Variants in SPATS2L observed in about 807,000 individuals in gnomAD.
The protein encoded by SPATS2L is SPATS2-like protein.
SPATS2L carries 30 observed loss-of-function variants against 59.6 expected under a neutral mutation model. The observed-to-expected ratio is 0.50, with a 90% CI of 0.38 to 0.68. SPATS2L has a LOEUF of 0.68. Among genes scored for constraint, SPATS2L ranks in the 30% least tolerant of loss-of-function variants. The pLI is 0.00. For missense variants in SPATS2L, 615 were observed against 700.0 expected (o/e 0.88, Z 1.37); for synonymous variants, 252 against 263.5 (o/e 0.96, Z 0.42).
chr2:200,306,552 CTG>C (rs1362286195), upstream of SPATS2L: 43 of 1,001,798 alleles, frequency 4.3e-5, no homozygotes, highest in East Asian at 1.1e-4. Context: ...GTGAGCAGCG[CTG>C]TGTTTGCGAG....
chr2:200,307,468 G>C (rs914091351), intron 1 of SPATS2L, among the ~76,000 whole-genome samples: 3 of 152,042 alleles, frequency 2.0e-5, no homozygotes, highest in African/African-American at 7.2e-5. Context: ...CGCCCAGCGG[G>C]AGTGGGATGC....
intron 3 of SPATS2L, among the ~76,000 whole-genome samples, chr2:200,392,435 T>G (rs1275426439): frequency 6.6e-6 from 1 of 152,214 alleles, no homozygotes; most frequent in Non-Finnish European, 1.5e-5. Context: ...GTATCTCTTC[T>G]CTCTTGTGTT....
chr2:200,412,264 T>C (rs1232429253), intron 3 of SPATS2L, 47 bp from the exon 4 acceptor site: 1 of 1,181,942 alleles, frequency 8.5e-7, no homozygotes, highest in Middle Eastern at 2.3e-4. Flanking sequence ...ATGAAAAATA[T>C]TTAAAGTGTT....
chr2:200,473,965 C>A lies in SPATS2L; in HGVS notation c.1281+913C>A, dbSNP rs576230771. 1.5e-3 allele frequency among the ~76,000 whole-genome samples: 232 copies of A among 151,864 alleles called. 1 individual carries two copies. The highest frequency in any genetic ancestry group is 2.5e-3 in the South Asian group (12 of 4,800). On this transcript the variant is annotated intron_variant, in intron 12 of 12. Coordinates refer to ENST00000409140, the MANE Select transcript of SPATS2L (RefSeq NM_001100423.2). ...CAGTGAGCCAAGATCGCACCACTGCCCTTCAGCCTGGGCAACAGAGTGAGA... is the reference window on the plus strand; with the variant it reads ...CAGTGAGCCAAGATCGCACCACTGCACTTCAGCCTGGGCAACAGAGTGAGA...
chr2:200,327,683 A>G (rs1197741364), intron 1 of SPATS2L, among the ~76,000 whole-genome samples: 3 of 152,244 alleles, frequency 2.0e-5, no homozygotes, highest in Admixed American at 2.0e-4. Context: ...CAAAAGTGTG[A>G]AAAGCATATT....
At chr2:200,306,041 C>G, upstream of SPATS2L, 1 of 985,382 alleles carries the variant, frequency 1.0e-6, no homozygotes, top group African/African-American at 1.7e-5. Context: ...TTATTACACA[C>G]ACGTTTGGAG....
intron 1 of SPATS2L, among the ~76,000 whole-genome samples, chr2:200,315,217 T>A (rs1183681756): frequency 6.6e-6 from 1 of 152,176 alleles, no homozygotes; most frequent in Non-Finnish European, 1.5e-5. Flanking sequence ...TCCAGAGGTA[T>A]GAAATGTTTG....
rs563294991 is a variant in SPATS2L, at chr2:200,452,849, CAATA to C, written c.789-6916_789-6913del. ...GTTTACCAAATAACACTGTTAAACC[CAATA>C]AATCTTTAGAAGGACCAATTTGTCA... On this transcript the variant is annotated intron_variant, in intron 8 of 12. Transcript: ENST00000409140. Among the ~76,000 whole-genome samples, 27 of 151,556 alleles carry C rather than the reference CAATA, an allele frequency of 1.8e-4. 1 individual carries two copies. In the South Asian group the frequency reaches 5.6e-3, roughly 32 times the overall value.
intron 2 of SPATS2L, among the ~76,000 whole-genome samples, chr2:200,358,982 AC>A (rs2081009317): frequency 1.9e-5 from 1 of 51,814 alleles, no homozygotes; most frequent in Admixed American, 2.7e-4. Flanking sequence ...ACAGAGTGAG[AC>A]CCTGACTCTT....
At chr2:200,473,421 C>T (rs1384134197) in intron 12 of SPATS2L, among the ~76,000 whole-genome samples, 3 of 152,172 alleles carry the variant, frequency 2.0e-5, no homozygotes, top group Non-Finnish European at 2.9e-5. Context: ...GAACAAGACT[C>T]GGAACCTACT....
chr2:200,344,860 T>C (rs1009623921), intron 2 of SPATS2L, among the ~76,000 whole-genome samples: 2 of 152,196 alleles, frequency 1.3e-5, no homozygotes, highest in African/African-American at 4.8e-5. Flanking sequence ...TGTGGGCATG[T>C]ATGTCTCCTT....
intron 2 of SPATS2L, among the ~76,000 whole-genome samples, chr2:200,355,001 A>G (rs1041725846): frequency 2.6e-5 from 4 of 152,214 alleles, no homozygotes; most frequent in East Asian, 1.9e-4. Flanking sequence ...TAATTGTAGT[A>G]AAGTATGGTT....
At chr2:200,318,456 G>A (rs1206515698) in intron 1 of SPATS2L, among the ~76,000 whole-genome samples, 3 of 152,066 alleles carry the variant, frequency 2.0e-5, no homozygotes, top group Non-Finnish European at 4.4e-5. Flanking sequence ...AGAAATAATG[G>A]CATTAAAAAT....
intron 1 of SPATS2L, among the ~76,000 whole-genome samples, chr2:200,312,790 A>C (rs539250807): frequency 6.6e-6 from 1 of 152,326 alleles, no homozygotes; most frequent in South Asian, 2.1e-4. Flanking sequence ...ATGGATTTTC[A>C]AGATTCCTTC....
intron 2 of SPATS2L, among the ~76,000 whole-genome samples, chr2:200,330,843 T>C (rs1000837353): frequency 3.3e-5 from 5 of 152,236 alleles, no homozygotes; most frequent in Non-Finnish European, 7.3e-5. Context: ...AGGAATGTTT[T>C]ACCCTGCAAA....
chr2:200,370,618 CA>C (rs2081398704), intron 2 of SPATS2L, among the ~76,000 whole-genome samples: 1 of 152,074 alleles, frequency 6.6e-6, no homozygotes, highest in African/African-American at 2.4e-5. Flanking sequence ...TCTTATGTGT[CA>C]AAAACTGTTC....
At chr2:200,475,334 A>C (rs555785993) in intron 12 of SPATS2L, among the ~76,000 whole-genome samples, 5 of 152,304 alleles carry the variant, frequency 3.3e-5, no homozygotes, top group Non-Finnish European at 7.4e-5. Flanking sequence ...ACATGTGCCC[A>C]AGGTGGTGGG....
intron 6 of SPATS2L, among the ~76,000 whole-genome samples, chr2:200,422,846 A>G (rs2083370706): frequency 6.6e-6 from 1 of 152,178 alleles, no homozygotes; most frequent in Non-Finnish European, 1.5e-5. Flanking sequence ...CCAATAATAA[A>G]TAGAACAATT....
chr2:200,444,716 C>T (rs556221494), intron 8 of SPATS2L, among the ~76,000 whole-genome samples: 14 of 152,176 alleles, frequency 9.2e-5, no homozygotes, highest in South Asian at 4.2e-4. Flanking sequence ...CTCAGCTCCC[C>T]GCACCCTGAG....
Sources: allele counts gnomAD v4.1 joint callset (sites outside exome capture counted in the v4.1 genomes callset), GRCh38; gene constraint gnomAD v4.1.1; transcripts MANE v1.5; gene names NCBI Gene and HGNC (gene_info 2026-07-23, HGNC 2026-07-21).